The following BNC1 variants were observed in gnomAD, a reference collection of about 807,000 sequenced individuals.
BNC1 encodes the protein basonuclin zinc finger protein 1.
Under a neutral mutation model 66.5 loss-of-function variants are expected in BNC1, and 8 were observed. The observed-to-expected ratio is 0.12, with a 90% confidence interval of 0.07 to 0.22. BNC1 has a LOEUF of 0.22. Ranked by LOEUF, BNC1 falls within the 10% of genes least tolerant of loss-of-function variation. The probability of loss-of-function intolerance (pLI) is 1.00; values close to 1 mark genes in which losing one functional copy is unlikely to be tolerated. For missense variants in BNC1, 1,069 were observed against 1,241.3 expected, an observed-to-expected ratio of 0.86 and a Z score of 2.09; for synonymous variants, 454 against 452.6, an observed-to-expected ratio of 1.00 and a Z score of -0.04.
chr15:83,256,659 T>C lies in BNC1; in HGVS notation c.*783A>G, dbSNP rs1413454271. 1 of 152,254 alleles carries C rather than the reference T, an allele frequency of 6.6e-6. No individual in the cohort carries two copies. The highest frequency in any genetic ancestry group is 1.5e-5 in the Non-Finnish European group (1 of 68,044). The allele number at this position is 152,254 out of a possible 1,614,324, so 9.4% of individuals were successfully genotyped here. A position where few individuals can be genotyped will look rare whatever the true frequency, so the allele number is the denominator to read the frequency against. ...TTTAGGTCATCACTTGTTCTGCTTC[T>C]GAGCAGAGATCCAGAGGTGACACAG... On this transcript the variant is annotated 3_prime_UTR_variant, in exon 5 of 5. Coordinates refer to ENST00000345382, the MANE Select transcript of BNC1 (RefSeq NM_001717.4).
intron 4 of BNC1, 132 bp from the exon 5 acceptor site, chr15:83,258,258 C>T (rs1244407012): frequency 5.5e-6 from 5 of 913,868 alleles, no homozygotes; most frequent in Non-Finnish European, 8.1e-6. Context: ...GGGGTAGGCC[C>T]CCATGGGATG....
intron 1 of BNC1, among the ~76,000 whole-genome samples, chr15:83,274,822 A>G (rs1329835661): frequency 6.6e-6 from 1 of 152,240 alleles, no homozygotes; most frequent in Non-Finnish European, 1.5e-5. Flanking sequence ...CCGATTTTAT[A>G]GATGAGGAAG....
chr15:83,266,281 TACACAC>T (rs561104661), intron 3 of BNC1, among the ~76,000 whole-genome samples: 213 of 147,626 alleles, frequency 1.4e-3, no homozygotes, highest in Middle Eastern at 3.5e-3. Context: ...GAGGGAGACA[TACACAC>T]ACACACACAC....
intron 1 of BNC1, among the ~76,000 whole-genome samples, chr15:83,272,439 G>T (rs28523446): frequency 7.3e-6 from 1 of 137,826 alleles, no homozygotes; most frequent in Non-Finnish European, 1.5e-5. Flanking sequence ...GTTTTGCCAT[G>T]TTGGCCAGGC....
intron 4 of BNC1, among the ~76,000 whole-genome samples, chr15:83,261,571 T>C (rs907505996): frequency 1.3e-5 from 2 of 152,260 alleles, no homozygotes; most frequent in Non-Finnish European, 2.9e-5. Context: ...TCTTTTGGTA[T>C]GCTTGCTCTT....
intron 4 of BNC1, 123 bp from the exon 5 acceptor site, chr15:83,258,249 G>A: frequency 3.9e-6 from 4 of 1,022,956 alleles, no homozygotes; most frequent in Non-Finnish European, 4.2e-6. Context: ...GATGATAAGG[G>A]GGTAGGCCCC....
chr15:83,268,016 T>C, intron 2 of BNC1, 117 bp downstream of exon 2: 1 of 805,794 alleles, frequency 1.2e-6, no homozygotes, highest in East Asian at 2.5e-5. Context: ...GACATGCTAG[T>C]AACTTACTAG....
intron 1 of BNC1, among the ~76,000 whole-genome samples, chr15:83,281,911 C>T (rs998461153): frequency 7.2e-5 from 11 of 152,322 alleles, no homozygotes; most frequent in Non-Finnish European, 1.3e-4. Flanking sequence ...GGGATGCAGG[C>T]CTAACTGCTA....
intron 1 of BNC1, among the ~76,000 whole-genome samples, chr15:83,279,173 T>C (rs2038355100): frequency 6.6e-6 from 1 of 152,158 alleles, no homozygotes; most frequent in African/African-American, 2.4e-5. Context: ...TAGAGCTTCA[T>C]ATTATAATAT....
intron 1 of BNC1, among the ~76,000 whole-genome samples, chr15:83,274,020 G>C (rs1228253811): frequency 6.6e-6 from 1 of 152,212 alleles, no homozygotes; most frequent in Non-Finnish European, 1.5e-5. Flanking sequence ...CTGGTAAGGG[G>C]AAGAGGGAAT....
chr15:83,283,417 C>G (rs2038404646), intron 1 of BNC1: 13 of 1,267,026 alleles, frequency 1.0e-5, no homozygotes, highest in Non-Finnish European at 1.2e-5. Context: ...CCGCGGCCCC[C>G]AGCCTCGCCG....
At chr15:83,277,923 AT>A (rs537477155) in intron 1 of BNC1, among the ~76,000 whole-genome samples, 12 of 149,090 alleles carry the variant, frequency 8.0e-5, no homozygotes, top group South Asian at 4.3e-4. Flanking sequence ...TTAGAACTGG[AT>A]TTTTTTTTTC....
rs2038395933 is a variant in BNC1 at position 83,283,036 on chromosome 15, G to C, written c.99+1494C>G. The C allele has an allele frequency of 2.9e-6, 4 of 1,373,344 alleles. No individual in the cohort carries two copies. The South Asian group carries it at 5.1e-5, about 17-fold the overall frequency. 85.1% of individuals were successfully genotyped at this position (1,373,344 alleles called of 1,614,324 possible). A position where few individuals can be genotyped will look rare whatever the true frequency, so the allele number is the denominator to read the frequency against. On this transcript the variant is annotated intron_variant, in intron 1 of 4. Coordinates refer to ENST00000345382, the MANE Select transcript of BNC1 (RefSeq NM_001717.4). The stretch of plus-strand genomic sequence containing the variant: ...AGGCGAGCACAGCCATAAAACCAGG[G>C]GACGTTACCGAACCCCCGAGCGTCT...
chr15:83,261,977 C>T (rs946301718), intron 4 of BNC1, among the ~76,000 whole-genome samples: 1 of 151,780 alleles, frequency 6.6e-6, no homozygotes, highest in Non-Finnish European at 1.5e-5. Context: ...TTAAAAAGCT[C>T]CCTTCTCACT....
chr15:83,260,343 A>G (rs555318178), intron 4 of BNC1, among the ~76,000 whole-genome samples: 1 of 152,200 alleles, frequency 6.6e-6, no homozygotes, highest in Non-Finnish European at 1.5e-5. Flanking sequence ...ACATATGTTA[A>G]TATATAATTT....
chr15:83,282,740 G>A (rs1472669132), intron 1 of BNC1, among the ~76,000 whole-genome samples: 1 of 152,186 alleles, frequency 6.6e-6, no homozygotes, highest in East Asian at 1.9e-4. Context: ...TCTGCCAAAT[G>A]CTGTTTTTCA....
rs1179349255 is a variant in BNC1 at position 83,256,330 on chromosome 15, G to C, written c.*1112C>G. 4 of 152,610 alleles carry C rather than the reference G, an allele frequency of 2.6e-5. No individual in the cohort carries two copies. The highest frequency in any genetic ancestry group is 4.8e-5 in the African/African-American group (2 of 41,438). 9.5% of individuals were successfully genotyped at this position (152,610 alleles called of 1,614,324 possible). A position where few individuals can be genotyped will look rare whatever the true frequency, so the allele number is the denominator to read the frequency against. On this transcript the variant is annotated 3_prime_UTR_variant, in exon 5 of 5. Coordinates refer to ENST00000345382, the MANE Select transcript of BNC1 (RefSeq NM_001717.4). ...TTCCTTTCTACCATGGAAAATGTAT[G>C]TAACAGTGTGGAATATATTTCCGAA...
chr15:83,266,106 G>A (rs2038214771), intron 3 of BNC1, among the ~76,000 whole-genome samples: 1 of 152,024 alleles, frequency 6.6e-6, no homozygotes, highest in East Asian at 1.9e-4. Flanking sequence ...TAGCCTCTTT[G>A]GAAATGAAAC....
chr15:83,269,717 A>G (rs1183212726), intron 1 of BNC1, among the ~76,000 whole-genome samples: 2 of 152,120 alleles, frequency 1.3e-5, no homozygotes, highest in Non-Finnish European at 2.9e-5. Flanking sequence ...CAGAAATTCC[A>G]CTCCTAGTTG....
Sources: gnomAD v4.1 joint callset for allele counts (sites outside exome capture counted in the v4.1 genomes callset) on GRCh38, gnomAD v4.1.1 for gene constraint, MANE v1.5 for transcripts, NCBI Gene and HGNC (gene_info 2026-07-23, HGNC 2026-07-21) for gene names.